Variants in EXOC6B observed in about 807,000 individuals in gnomAD.
EXOC6B encodes the protein exocyst complex component 6B, also known as SEC15 homolog B.
A neutral mutation model predicts 113.5 loss-of-function variants in EXOC6B; 54 were observed. The ratio of observed to expected loss-of-function variants is 0.48; its 90% CI spans 0.38 to 0.60. The LOEUF is 0.60. Ranked by LOEUF, EXOC6B falls within the 20% of genes least tolerant of loss-of-function variation. The probability of loss-of-function intolerance (pLI) is 0.00; values close to 1 mark genes in which losing one functional copy is unlikely to be tolerated. For synonymous variants in EXOC6B, 357 were observed against 339.0 expected, an observed-to-expected ratio of 1.05 and a Z score of -0.58; for missense variants, 797 against 977.5, an observed-to-expected ratio of 0.82 and a Z score of 2.46.
chr2:72,538,564 T>C (rs1702429638), intron 8 of EXOC6B, among the ~76,000 whole-genome samples: 3 of 152,198 alleles, frequency 2.0e-5, no homozygotes, highest in African/African-American at 7.2e-5. Flanking sequence ...ACAGCACATC[T>C]TGATTCAGAA....
At chr2:72,280,944 C>T (rs779645359) in intron 20 of EXOC6B, among the ~76,000 whole-genome samples, 17 of 151,996 alleles carry the variant, frequency 1.1e-4, no homozygotes, top group Non-Finnish European at 2.4e-4. Flanking sequence ...TAGGCCAATG[C>T]TAAGCTATAG....
intron 20 of EXOC6B, among the ~76,000 whole-genome samples, chr2:72,239,250 G>A (rs1236323964): frequency 6.6e-6 from 1 of 152,086 alleles, no homozygotes; most frequent in East Asian, 1.9e-4. Context: ...GTGTTTATAC[G>A]GTGTTGCCTA....
intron 6 of EXOC6B, among the ~76,000 whole-genome samples, chr2:72,589,076 G>A (rs1486080640): frequency 2.0e-5 from 3 of 151,854 alleles, no homozygotes; most frequent in African/African-American, 4.8e-5. Context: ...AAAGAGTCAC[G>A]ATACCTAATT....
intron 17 of EXOC6B, among the ~76,000 whole-genome samples, chr2:72,472,267 A>C (rs1448242062): frequency 3.9e-5 from 6 of 152,024 alleles, no homozygotes; most frequent in Non-Finnish European, 4.4e-5. Flanking sequence ...AATTTTTTGG[A>C]ACAGTTTCAG....
intron 6 of EXOC6B, among the ~76,000 whole-genome samples, chr2:72,597,941 G>C (rs1670180047): frequency 1.3e-5 from 2 of 151,782 alleles, no homozygotes; most frequent in Non-Finnish European, 2.9e-5. Flanking sequence ...ATATGCATAA[G>C]GCAAAAACTG....
chr2:72,383,152 T>C (rs1691791161), intron 18 of EXOC6B, among the ~76,000 whole-genome samples: 1 of 152,128 alleles, frequency 6.6e-6, no homozygotes, highest in African/African-American at 2.4e-5. Flanking sequence ...TGGGATCTAA[T>C]TAAACCTAAG....
At chr2:72,383,821 G>A (rs553460180) in intron 18 of EXOC6B, among the ~76,000 whole-genome samples, 1 of 151,948 alleles carries the variant, frequency 6.6e-6, no homozygotes, top group Non-Finnish European at 1.5e-5. Flanking sequence ...CAGCCATAAA[G>A]AAAGAATGAG....
At chr2:72,510,950 T>C (rs1435050095) in intron 11 of EXOC6B, among the ~76,000 whole-genome samples, 3 of 152,088 alleles carry the variant, frequency 2.0e-5, no homozygotes, top group Non-Finnish European at 4.4e-5. Context: ...TAAGCAACTT[T>C]TTAAAAATCT....
intron 7 of EXOC6B, among the ~76,000 whole-genome samples, chr2:72,564,854 C>A (rs1444488362): frequency 6.6e-6 from 1 of 152,130 alleles, no homozygotes; most frequent in Non-Finnish European, 1.5e-5. Context: ...TAAAAAAGCA[C>A]AAAATTATGC....
At chr2:72,766,837 C>A (rs2104925458) in intron 1 of EXOC6B, among the ~76,000 whole-genome samples, 1 of 151,588 alleles carries the variant, frequency 6.6e-6, no homozygotes, top group Admixed American at 6.6e-5. Context: ...GTCTGTAATC[C>A]CAGCTACTCG....
At chr2:72,286,212 C>T (rs1196092211) in intron 20 of EXOC6B, among the ~76,000 whole-genome samples, 2 of 152,142 alleles carry the variant, frequency 1.3e-5, no homozygotes, top group Non-Finnish European at 2.9e-5. Flanking sequence ...ATAGCAACTA[C>T]AGTCATAATT....
At chr2:72,442,292 A>G (rs956610836) in intron 18 of EXOC6B, among the ~76,000 whole-genome samples, 1 of 152,172 alleles carries the variant, frequency 6.6e-6, no homozygotes, top group Admixed American at 6.5e-5. Context: ...CACAGCCAAC[A>G]TCACACTAAA....
At chr2:72,551,581 T>C (rs1046620024) in intron 8 of EXOC6B, among the ~76,000 whole-genome samples, 1 of 150,932 alleles carries the variant, frequency 6.6e-6, no homozygotes, top group Non-Finnish European at 1.5e-5. Flanking sequence ...CTCGGCTCAC[T>C]GCAAGCTCCG....
chr2:72,592,370 T>C (rs952159764), intron 6 of EXOC6B, among the ~76,000 whole-genome samples: 4 of 152,288 alleles, frequency 2.6e-5, no homozygotes, highest in African/African-American at 7.2e-5. Context: ...AGGAATGGCC[T>C]TGATATATCC....
At chr2:72,285,611 C>T (rs949263934) in intron 20 of EXOC6B, among the ~76,000 whole-genome samples, 1 of 151,976 alleles carries the variant, frequency 6.6e-6, no homozygotes, top group Admixed American at 6.6e-5. Flanking sequence ...TCCAAAGGCA[C>T]AATCCATGAA....
At chr2:72,674,511 G>A (rs1259105457) in intron 6 of EXOC6B, among the ~76,000 whole-genome samples, 2 of 152,060 alleles carry the variant, frequency 1.3e-5, no homozygotes, top group African/African-American at 2.4e-5. Flanking sequence ...TATGTCTATC[G>A]AGTGGTAATG....
intron 19 of EXOC6B, among the ~76,000 whole-genome samples, chr2:72,349,144 T>C (rs948417619): frequency 3.9e-5 from 6 of 152,166 alleles, no homozygotes; most frequent in African/African-American, 1.2e-4. Context: ...GTCTCAGCTG[T>C]AAAATGAAGA....
chr2:72,238,955 G>C (rs1386586171), intron 20 of EXOC6B, among the ~76,000 whole-genome samples: 2 of 152,146 alleles, frequency 1.3e-5, no homozygotes, highest in Non-Finnish European at 2.9e-5. Context: ...CTGGAGTGCA[G>C]TGGAGCAATC....
chr2:72,686,702 T>C (rs556104116), intron 6 of EXOC6B, among the ~76,000 whole-genome samples: 1 of 152,314 alleles, frequency 6.6e-6, no homozygotes, highest in East Asian at 1.9e-4. Context: ...CCATAATAAG[T>C]ATTATTGGTA....
Sources: allele counts gnomAD v4.1 joint callset (sites outside exome capture counted in the v4.1 genomes callset), GRCh38; gene constraint gnomAD v4.1.1; transcripts MANE v1.5; gene names NCBI Gene and HGNC (gene_info 2026-07-23, HGNC 2026-07-21).